WDR7: variants seen among roughly 807,000 people sequenced by gnomAD.
WDR7 encodes the protein WD repeat-containing protein 7.
A neutral mutation model predicts 169.4 loss-of-function variants in WDR7; 46 were observed. That is an observed-to-expected ratio of 0.27 (90% CI 0.21 to 0.35). WDR7 has a LOEUF of 0.35. WDR7 is among the 10% of genes least tolerant of loss of function. The pLI is 1.00. For synonymous variants in WDR7, 612 were observed against 666.8 expected (o/e 0.92, Z 1.27); for missense variants, 1,534 against 1,859.3 (o/e 0.83, Z 3.22).
intron 25 of WDR7, among the ~76,000 whole-genome samples, chr18:56,939,921 A>G (rs928829311): frequency 6.6e-6 from 1 of 151,074 alleles, no homozygotes; most frequent in African/African-American, 2.4e-5. Context: ...GTATAACTAT[A>G]AATTATATAT....
chr18:56,816,865 A>G (rs1568212061), intron 20 of WDR7, among the ~76,000 whole-genome samples: 1 of 152,202 alleles, frequency 6.6e-6, no homozygotes, highest in Non-Finnish European at 1.5e-5. Flanking sequence ...GGTGGTTAAA[A>G]TTTAAAATTT....
intron 1 of WDR7, among the ~76,000 whole-genome samples, chr18:56,655,561 C>T (rs1371821778): frequency 6.8e-6 from 1 of 146,470 alleles, no homozygotes; most frequent in Non-Finnish European, 1.5e-5. Flanking sequence ...GTTGAAGCTG[C>T]AGTGAGCTGT....
chr18:56,994,017 T>C (rs984480842), intron 26 of WDR7, among the ~76,000 whole-genome samples: 3 of 26,174 alleles, frequency 1.1e-4, no homozygotes, highest in Admixed American at 6.8e-4. Flanking sequence ...TTTTTTTTTC[T>C]TTTTTTTTTT....
chr18:56,967,817 C>G (rs751877574), intron 26 of WDR7, among the ~76,000 whole-genome samples: 11 of 152,116 alleles, frequency 7.2e-5, no homozygotes, highest in Non-Finnish European at 1.6e-4. Flanking sequence ...TTAACAAAAG[C>G]ACCTCCTCTC....
chr18:56,663,299 A>G (rs667844), intron 1 of WDR7, among the ~76,000 whole-genome samples: 139,709 of 152,246 alleles, frequency 0.92, 65,284 homozygotes, highest in East Asian at 1. Flanking sequence ...AATGCAGTGC[A>G]TAAAACTTGA....
intron 26 of WDR7, among the ~76,000 whole-genome samples, chr18:56,985,683 A>T (rs55968609): frequency 6.2e-4 from 95 of 152,048 alleles, no homozygotes; most frequent in African/African-American, 2.1e-3. Context: ...ATATTGTTTT[A>T]TATTGGAGGT....
At chr18:56,891,085 C>G (rs1356202170) in intron 21 of WDR7, 1 of 152,186 alleles carries the variant, frequency 6.6e-6, no homozygotes, top group Non-Finnish European at 1.5e-5. Context: ...AATCTAGAAT[C>G]TTTTACAGTT....
rs765154534 is a variant in WDR7, at chr18:56,756,806, G to A, written c.2213G>A (p.Arg738Gln). The A allele has an allele frequency of 1.4e-5, 22 of 1,613,870 alleles. No individual in the cohort carries two copies. The highest frequency in any genetic ancestry group is 1.8e-5 in the Non-Finnish European group (21 of 1,180,016). Residue 738 changes from arginine (R) to glutamine (Q), a missense_variant, in exon 15 of 28, where the codon CGA becomes CAA. Arg to Gln is a conservative substitution (Grantham distance 43). Coordinates refer to ENST00000254442, the MANE Select transcript of WDR7 (RefSeq NM_015285.3). ...GGGGGCTCTTTTTTAACTGGAAAAC[G>A]AGCAGCAGTTCTCTTCCAACAAGTG... The part of the protein sequence containing the change: ...DKGGSFLTGK[R>Q]AAVLFQQVKE...
intron 14 of WDR7, among the ~76,000 whole-genome samples, chr18:56,737,146 C>G (rs1313661847): frequency 6.6e-6 from 1 of 152,032 alleles, no homozygotes. Context: ...CCAGCATAAG[C>G]AGTTCAGTGG....
intron 19 of WDR7, among the ~76,000 whole-genome samples, chr18:56,800,878 A>G (rs752286519): frequency 1.2e-4 from 18 of 152,112 alleles, no homozygotes; most frequent in Middle Eastern, 3.2e-3. Context: ...GTTCCTTTTA[A>G]TGGAGGTATT....
chr18:56,664,156 G>A (rs964878757), intron 1 of WDR7, among the ~76,000 whole-genome samples: 1 of 152,146 alleles, frequency 6.6e-6, no homozygotes, highest in African/African-American at 2.4e-5. Flanking sequence ...GGTATTGCTT[G>A]TCTCTGCCAT....
At chr18:56,754,345 G>A (rs1460351979) in intron 14 of WDR7, among the ~76,000 whole-genome samples, 1 of 150,260 alleles carries the variant, frequency 6.7e-6, no homozygotes, top group African/African-American at 2.5e-5. Flanking sequence ...GTATATATGT[G>A]TGTATATATG....
In WDR7 at chr18:56,905,360, G is replaced by A. The variant is rs181910992; in HGVS notation, c.3527-18562G>A. 8.6e-4 allele frequency among the ~76,000 whole-genome samples: 131 copies of A among 152,156 alleles called. 1 individual carries two copies. Among genetic ancestry groups the A allele is most frequent in the African/African-American group, 2.8e-3 (118 of 41,508 alleles). On this transcript the variant is annotated intron_variant, in intron 21 of 27. Transcript: ENST00000254442. ...GACGGGGTTTCTCCATGTTGGCCAG[G>A]CTGGTCTTGAGCTCCTGGCCTCAAG...
At chr18:56,804,414 C>T (rs1458534612) in intron 19 of WDR7, among the ~76,000 whole-genome samples, 1 of 152,170 alleles carries the variant, frequency 6.6e-6, no homozygotes, top group African/African-American at 2.4e-5. Flanking sequence ...AATATAGTTT[C>T]TACGTTTTTA....
At chr18:56,748,233 A>C (rs1431765601) in intron 14 of WDR7, among the ~76,000 whole-genome samples, 1 of 152,076 alleles carries the variant, frequency 6.6e-6, no homozygotes, top group Non-Finnish European at 1.5e-5. Context: ...TCTTTTCTTT[A>C]TTTGGAAGAT....
At chr18:56,946,238 T>G (rs1323944552) in intron 25 of WDR7, among the ~76,000 whole-genome samples, 1 of 152,226 alleles carries the variant, frequency 6.6e-6, no homozygotes, top group Non-Finnish European at 1.5e-5. Context: ...TCCTTGCCCA[T>G]GTTCCTCTTC....
intron 14 of WDR7, among the ~76,000 whole-genome samples, chr18:56,735,121 G>T (rs1053462020): frequency 5.9e-5 from 9 of 152,170 alleles, no homozygotes; most frequent in African/African-American, 2.2e-4. Flanking sequence ...ATATTGATTT[G>T]GGAAATGAAT....
intron 3 of WDR7, among the ~76,000 whole-genome samples, chr18:56,680,289 T>C (rs1175873426): frequency 2.0e-5 from 3 of 152,078 alleles, no homozygotes; most frequent in East Asian, 3.9e-4. Flanking sequence ...GCCCAGGAGA[T>C]TGAGGCTGTT....
chr18:56,970,574 T>C (rs1191510891), intron 26 of WDR7, among the ~76,000 whole-genome samples: 2 of 152,212 alleles, frequency 1.3e-5, no homozygotes, highest in East Asian at 3.9e-4. Flanking sequence ...ACAGAGATTT[T>C]CCATATACCT....
Sources: gnomAD v4.1 joint callset for allele counts (sites outside exome capture counted in the v4.1 genomes callset) on GRCh38, gnomAD v4.1.1 for gene constraint, MANE v1.5 for transcripts, NCBI Gene and HGNC (gene_info 2026-07-23, HGNC 2026-07-21) for gene names.